NTRK3: variants seen among roughly 807,000 people sequenced by gnomAD.
NTRK3 encodes the protein NT-3 growth factor receptor.
Under a neutral mutation model 91.7 loss-of-function variants are expected in NTRK3, and 24 were observed. The observed-to-expected ratio is 0.26, with a 90% confidence interval of 0.19 to 0.37. NTRK3 has a LOEUF of 0.37. Ranked by LOEUF, NTRK3 falls within the 10% of genes least tolerant of loss-of-function variation. The pLI, the probability that NTRK3 is intolerant of heterozygous loss-of-function variation, is 1.00. For missense variants in NTRK3, 880 were observed against 1,068.9 expected, an observed-to-expected ratio of 0.82 and a Z score of 2.46; for synonymous variants, 483 against 404.0, an observed-to-expected ratio of 1.20 and a Z score of -2.34.
chr15:88,152,257 C>T (rs889437853), intron 5 of NTRK3, among the ~76,000 whole-genome samples: 3 of 151,994 alleles, frequency 2.0e-5, no homozygotes, highest in Non-Finnish European at 2.9e-5. Flanking sequence ...GCTGAGATTG[C>T]GCCATTGCAC....
intron 14 of NTRK3, among the ~76,000 whole-genome samples, chr15:87,981,002 G>A (rs1031180736): frequency 6.6e-6 from 1 of 152,108 alleles, no homozygotes; most frequent in Non-Finnish European, 1.5e-5. Flanking sequence ...GTCCTCTCCT[G>A]CTTCTCCCAT....
At chr15:88,206,399 C>T (rs1216204824) in intron 3 of NTRK3, among the ~76,000 whole-genome samples, 1 of 148,218 alleles carries the variant, frequency 6.7e-6, no homozygotes, top group Non-Finnish European at 1.5e-5. Context: ...TGGCTCACGC[C>T]TGTAATCCCA....
At chr15:87,899,513 A>G (rs2066326420) in intron 17 of NTRK3, among the ~76,000 whole-genome samples, 1 of 152,128 alleles carries the variant, frequency 6.6e-6, no homozygotes, top group Admixed American at 6.6e-5. Flanking sequence ...GCTAGAGGTA[A>G]TATCTACTAC....
chr15:88,123,648 T>C (rs943292368), intron 13 of NTRK3, among the ~76,000 whole-genome samples: 5 of 152,188 alleles, frequency 3.3e-5, no homozygotes, highest in African/African-American at 1.2e-4. Context: ...TTATGCAGTT[T>C]AGGGAGACAT....
chr15:87,875,453 A>T (rs528732385), exon 19 of NTRK3: 23 of 232,118 alleles, frequency 9.9e-5, no homozygotes, highest in Non-Finnish European at 1.6e-4. Flanking sequence ...CCCAGCACAG[A>T]TGTTTCCTTC....
intron 3 of NTRK3, among the ~76,000 whole-genome samples, chr15:88,250,385 C>A (rs1289176497): frequency 6.6e-6 from 1 of 152,180 alleles, no homozygotes; most frequent in Non-Finnish European, 1.5e-5. Context: ...ATATGCCAAG[C>A]AACTGTCACA....
intron 14 of NTRK3, among the ~76,000 whole-genome samples, chr15:87,988,633 T>C (rs528482868): frequency 2.0e-5 from 3 of 152,352 alleles, no homozygotes; most frequent in African/African-American, 7.2e-5. Context: ...TCAGAATTTA[T>C]AATTTAATGG....
At chr15:88,205,809 C>A (rs975603211) in intron 3 of NTRK3, 1 of 152,250 alleles carries the variant, frequency 6.6e-6, no homozygotes, top group African/African-American at 2.4e-5. Flanking sequence ...TCTCCCATAA[C>A]CCTGACCTAC....
intron 3 of NTRK3, among the ~76,000 whole-genome samples, chr15:88,225,489 C>T (rs1413100610): frequency 6.6e-6 from 1 of 152,080 alleles, no homozygotes; most frequent in African/African-American, 2.4e-5. Flanking sequence ...GTGGAGAAGG[C>T]TCCCAAAGCA....
intron 6 of NTRK3, among the ~76,000 whole-genome samples, chr15:88,138,393 G>C (rs2042078621): frequency 6.6e-6 from 1 of 152,162 alleles, no homozygotes; most frequent in South Asian, 2.1e-4. Flanking sequence ...CTGGGCGACA[G>C]AGCAAGACTC....
At chr15:87,994,577 T>A (rs1035790867) in intron 14 of NTRK3, among the ~76,000 whole-genome samples, 1 of 152,220 alleles carries the variant, frequency 6.6e-6, no homozygotes, top group African/African-American at 2.4e-5. Flanking sequence ...CACCTTGATC[T>A]TGGATTTCGG....
At position 87,905,860 on chromosome 15, in the gene NTRK3, C is replaced by T. The variant is rs543390038; in HGVS notation, c.2133+23331G>A. 7.7e-4 allele frequency among the ~76,000 whole-genome samples: 118 copies of T among 152,318 alleles called. 1 individual carries two copies. Among genetic ancestry groups the T allele is most frequent in the South Asian group, 7.5e-3 (36 of 4,832 alleles). ...GAAGCCACACAGGAAGATTTACTCTCATGCCCCCAAAATTTCCCATGCCCA... is the reference window on the plus strand; with the variant it reads ...GAAGCCACACAGGAAGATTTACTCTTATGCCCCCAAAATTTCCCATGCCCA... On this transcript the variant is annotated intron_variant, in intron 17 of 18. Transcript: ENST00000394480.
intron 17 of NTRK3, among the ~76,000 whole-genome samples, chr15:87,901,767 G>C (rs539037300): frequency 6.6e-5 from 10 of 151,344 alleles, no homozygotes; most frequent in African/African-American, 1.5e-4. Context: ...GTTGGGGAGG[G>C]GGGGAGAGGG....
At chr15:88,025,186 T>C (rs2077927549) in intron 14 of NTRK3, among the ~76,000 whole-genome samples, 1 of 152,256 alleles carries the variant, frequency 6.6e-6, no homozygotes, top group Non-Finnish European at 1.5e-5. Context: ...GAACCTCACT[T>C]GGTATAACCA....
chr15:88,209,935 G>A (rs939412062), intron 3 of NTRK3: 13 of 152,362 alleles, frequency 8.5e-5, no homozygotes, highest in African/African-American at 3.1e-4. Context: ...GGCAAAAGCA[G>A]GCTAAACATA....
rs144841141 is a variant in NTRK3 at position 88,032,690 on chromosome 15, G to C, written c.1585+167C>G. On this transcript the variant is annotated intron_variant, in intron 14 of 18. Transcript: ENST00000394480. ...AGGACTCTGGTCCCGGGGACTCCTG[G>C]CTCAGGCTATTCTTCAAGTTTTGAA... Among the ~76,000 whole-genome samples, 22 of 152,178 alleles carry C rather than the reference G, an allele frequency of 1.4e-4. No individual in the cohort carries two copies. In the East Asian group the frequency reaches 3.9e-3, roughly 27 times the overall value.
intron 13 of NTRK3, among the ~76,000 whole-genome samples, chr15:88,115,274 T>C (rs1399606233): frequency 1.3e-5 from 2 of 152,192 alleles, no homozygotes; most frequent in Non-Finnish European, 2.9e-5. Flanking sequence ...GCATGCCCCT[T>C]GCAAAGCAGG....
chr15:87,882,710 G>T (rs1234892125), intron 17 of NTRK3, among the ~76,000 whole-genome samples: 1 of 152,020 alleles, frequency 6.6e-6, no homozygotes, highest in Non-Finnish European at 1.5e-5. Context: ...ATTAATTGTT[G>T]AGATTAACAC....
chr15:88,056,944 G>A (rs2045751909), intron 13 of NTRK3, among the ~76,000 whole-genome samples: 1 of 152,092 alleles, frequency 6.6e-6, no homozygotes, highest in African/African-American at 2.4e-5. Flanking sequence ...GCCGAGACGG[G>A]CGGATCACGA....
Sources: allele counts gnomAD v4.1 joint callset (sites outside exome capture counted in the v4.1 genomes callset), GRCh38; gene constraint gnomAD v4.1.1; transcripts MANE v1.5; gene names NCBI Gene and HGNC (gene_info 2026-07-23, HGNC 2026-07-21).